IGFBP2: variants seen among roughly 807,000 people sequenced by gnomAD.
The protein encoded by IGFBP2 is insulin like growth factor binding protein 2.
In IGFBP2, 12 loss-of-function variants were observed where a neutral mutation model predicts 26.2. That is an observed-to-expected ratio of 0.46 (90% CI 0.29 to 0.74). IGFBP2 has a LOEUF of 0.74. Ranked by LOEUF, IGFBP2 falls within the 30% of genes least tolerant of loss-of-function variation. IGFBP2 has a pLI of 0.09. For synonymous variants in IGFBP2, 189 were observed against 200.6 expected, an observed-to-expected ratio of 0.94 and a Z score of 0.49; for missense variants, 328 against 441.2, an observed-to-expected ratio of 0.74 and a Z score of 2.30.
At position 216,633,451 on chromosome 2, in the gene IGFBP2, T is replaced by C; in HGVS notation, c.-73T>C. 2 of 280,104 alleles carry C rather than the reference T, an allele frequency of 7.1e-6. No individual in the cohort carries two copies. The highest frequency in any genetic ancestry group is 1.1e-5 in the Non-Finnish European group (2 of 183,134). The allele number at this position is 280,104 out of a possible 1,614,324, so 17.4% of individuals were successfully genotyped here. A position where few individuals can be genotyped will look rare whatever the true frequency, so the allele number is the denominator to read the frequency against. On this transcript the variant is annotated 5_prime_UTR_variant, in exon 1 of 4. Coordinates refer to ENST00000233809, the MANE Select transcript of IGFBP2 (RefSeq NM_000597.3). ...GAAGCGGAGGAGGCGGCTCCCGCGCTCGCAGGGCCGTGCCACCTGCCCGCC... is the reference window on the plus strand; with the variant it reads ...GAAGCGGAGGAGGCGGCTCCCGCGCCCGCAGGGCCGTGCCACCTGCCCGCC...
At chr2:216,634,103 C>G in intron 1 of IGFBP2, 138 bp downstream of exon 1, 1 of 1,333,952 alleles carries the variant, frequency 7.5e-7, no homozygotes, top group Non-Finnish European at 9.8e-7. Context: ...CTGTTGCTAG[C>G]GGGACGCGGA....
At chr2:216,655,902 CAAA>C (rs200162837) in intron 1 of IGFBP2, among the ~76,000 whole-genome samples, 6 of 126,872 alleles carry the variant, frequency 4.7e-5, no homozygotes, top group Admixed American at 3.8e-4. Flanking sequence ...CTCAAAAAAA[CAAA>C]AAAAAAAAAT....
intron 1 of IGFBP2, among the ~76,000 whole-genome samples, chr2:216,641,933 G>A (rs1375691148): frequency 2.0e-5 from 3 of 150,338 alleles, no homozygotes; most frequent in East Asian, 3.9e-4. Flanking sequence ...CTCATGATCC[G>A]CCTACCTCAG....
Position 216,637,098 on chromosome 2 carries a change from G to T in IGFBP2, c.442+3133G>T, listed in dbSNP as rs563855879. On this transcript the variant is annotated intron_variant, in intron 1 of 3. Transcript: ENST00000233809. Reference sequence around the variant, plus strand: ...GGCTCAGAGTACTGCTTTGCATCTCGTCTTGCATAAATTTGCATACTGAGT... The same window carrying T: ...GGCTCAGAGTACTGCTTTGCATCTCTTCTTGCATAAATTTGCATACTGAGT... 2.4e-3 allele frequency among the ~76,000 whole-genome samples: 365 copies of T among 152,304 alleles called. 2 individuals carry two copies. The highest frequency in any genetic ancestry group is 6.8e-3 in the Middle Eastern group (2 of 294).
Position 216,664,293 on chromosome 2 carries a change from C to T in IGFBP2, c.*189C>T. On this transcript the variant is annotated 3_prime_UTR_variant, in exon 4 of 4. Transcript: ENST00000233809. The surrounding 1 kb of genome is among the most constrained non-coding windows in gnomAD (Gnocchi z 4.6). The stretch of plus-strand genomic sequence containing the variant: ...TCTCTCTTCCCAGCTGCAGATGCCA[C>T]ACCTGCTCCTTCTTGCTTTCCCCGG... 2.2e-6 allele frequency: 1 copy of T among 449,586 alleles called. No homozygotes were observed. The highest frequency in any genetic ancestry group is 3.9e-6 in the Non-Finnish European group (1 of 257,062). The allele number at this position is 449,586 out of a possible 1,614,324, so 27.8% of individuals were successfully genotyped here.
intron 1 of IGFBP2, among the ~76,000 whole-genome samples, chr2:216,636,409 CAG>C (rs1327973684): frequency 6.6e-6 from 1 of 151,366 alleles, no homozygotes; most frequent in Non-Finnish European, 1.5e-5. Flanking sequence ...TCCCGGGACT[CAG>C]GGGCTGTGTT....
chr2:216,651,273 T>C (rs1413695024), intron 1 of IGFBP2, among the ~76,000 whole-genome samples: 1 of 152,200 alleles, frequency 6.6e-6, no homozygotes. Context: ...AATCCCAGCC[T>C]GTTGGTGGGC....
chr2:216,641,056 C>T (rs1247744802), intron 1 of IGFBP2, among the ~76,000 whole-genome samples: 2 of 152,278 alleles, frequency 1.3e-5, no homozygotes, highest in South Asian at 2.1e-4. Context: ...CTTAATACTT[C>T]AGTAGTTAGT....
chr2:216,644,488 G>C (rs1446914664), intron 1 of IGFBP2, among the ~76,000 whole-genome samples: 1 of 152,150 alleles, frequency 6.6e-6, no homozygotes, highest in Non-Finnish European at 1.5e-5. Context: ...AGTCCCGGAA[G>C]GCCTTGGTAG....
In IGFBP2 at chr2:216,660,630, G is replaced by A; in HGVS notation, c.516G>A (p.Gly172=). The change falls in exon 2 of 4, where the codon GGG becomes GGA. Residue 172 remains glycine (G), a synonymous_variant. Coordinates refer to ENST00000233809, the MANE Select transcript of IGFBP2 (RefSeq NM_000597.3). ...ACAGCACCATGAACATGTTGGGCGG[G>A]GGAGGCAGTGCTGGCCGGAAGCCCC... ...HVDSTMNMLG[G]GGSAGRKPLK... 1 of 1,614,160 alleles carries A rather than the reference G, an allele frequency of 6.2e-7. No homozygotes were observed. The highest frequency in any genetic ancestry group is 8.5e-7 in the Non-Finnish European group (1 of 1,180,030).
intron 1 of IGFBP2, among the ~76,000 whole-genome samples, chr2:216,639,996 T>C (rs1380225570): frequency 6.6e-6 from 1 of 152,156 alleles, no homozygotes; most frequent in African/African-American, 2.4e-5. Flanking sequence ...CGTCTCAGCC[T>C]TTCTCTGTAT....
Position 216,661,917 on chromosome 2 carries a change from G to C in IGFBP2, c.732G>C (p.Pro244=), listed in dbSNP as rs771107802. The change falls in exon 3 of 4, where the codon CCG becomes CCC. Residue 244 remains proline, a synonymous_variant. Transcript: ENST00000233809. ...AGCGGATCTCCACCATGCGCCTTCC[G>C]GATGAGCGGGGCCCTCTGGAGCACC... ...VLERISTMRL[P]DERGPLEHLY... 56 of 1,614,048 alleles carry C rather than the reference G, an allele frequency of 3.5e-5. No homozygotes were observed. In the Middle Eastern group the frequency reaches 9.9e-4, roughly 28 times the overall value.
intron 1 of IGFBP2, among the ~76,000 whole-genome samples, chr2:216,653,211 G>T (rs561788015): frequency 2.0e-5 from 3 of 152,230 alleles, no homozygotes; most frequent in Non-Finnish European, 4.4e-5. Flanking sequence ...GCTTTTTAAG[G>T]TCTCTCTTAG....
chr2:216,638,428 C>T (rs1323387032), intron 1 of IGFBP2, among the ~76,000 whole-genome samples: 4 of 151,942 alleles, frequency 2.6e-5, no homozygotes, highest in African/African-American at 9.7e-5. Flanking sequence ...TCGCTTGAAC[C>T]TGGGAACTGG....
At position 216,635,398 on chromosome 2, in the gene IGFBP2, G is replaced by A. The variant is rs762052131; in HGVS notation, c.442+1433G>A. 9.6e-4 allele frequency among the ~76,000 whole-genome samples: 146 copies of A among 152,066 alleles called. 1 individual carries two copies. Among genetic ancestry groups the A allele is most frequent in the Non-Finnish European group, 1.5e-3 (104 of 68,014 alleles). The stretch of plus-strand genomic sequence containing the variant: ...AGCCCCCACGAAATCCTTTCACTGC[G>A]GGGTGCCTGTCCCCCAGTCATGCGT... On this transcript the variant is annotated intron_variant, in intron 1 of 3. Coordinates refer to ENST00000233809, the MANE Select transcript of IGFBP2 (RefSeq NM_000597.3).
At chr2:216,643,152 G>A (rs1379142321) in intron 1 of IGFBP2, among the ~76,000 whole-genome samples, 2 of 152,194 alleles carry the variant, frequency 1.3e-5, no homozygotes, top group African/African-American at 4.8e-5. Context: ...ATGCCAGAAT[G>A]CACTGAACTT....
chr2:216,634,906 T>TTTTTTTTTTTA (rs371560018), intron 1 of IGFBP2, among the ~76,000 whole-genome samples: 24,928 of 127,980 alleles, frequency 0.19, 3,183 homozygotes, highest in Non-Finnish European at 0.25. Flanking sequence ...TTTTTTTTTT[T>TTTTTTTTTTTA]AATTACGAAA....
At chr2:216,660,474 C>A in intron 1 of IGFBP2, 83 bp from the exon 2 acceptor site, 1 of 991,474 alleles carries the variant, frequency 1.0e-6, no homozygotes, top group Non-Finnish European at 1.5e-6. Context: ...CCCTCATCAT[C>A]ATTACGGTCC....
At chr2:216,651,989 T>C (rs955243437) in intron 1 of IGFBP2, among the ~76,000 whole-genome samples, 2 of 152,098 alleles carry the variant, frequency 1.3e-5, no homozygotes, top group Admixed American at 6.6e-5. Flanking sequence ...CTTGAACTCC[T>C]GGCCTCAAAT....
Sources: allele counts gnomAD v4.1 joint callset (sites outside exome capture counted in the v4.1 genomes callset), GRCh38; gene constraint gnomAD v4.1.1; non-coding constraint Gnocchi (gnomAD v3.1); transcripts MANE v1.5; gene names NCBI Gene and HGNC (gene_info 2026-07-23, HGNC 2026-07-21).